The following RAB7A variants were observed in gnomAD, a reference collection of about 807,000 sequenced individuals.
The protein encoded by RAB7A is ras-related protein Rab-7a.
A neutral mutation model predicts 24.5 loss-of-function variants in RAB7A; 2 were observed. That is an observed-to-expected ratio of 0.08 (90% confidence interval 0.03 to 0.26). The LOEUF (loss-of-function observed/expected upper bound fraction) is 0.26, where lower values mean the gene tolerates loss of function less well. Among genes scored for constraint, RAB7A ranks in the 10% least tolerant of loss-of-function variants. RAB7A has a pLI of 1.00. For missense variants in RAB7A, 118 were observed against 255.7 expected (o/e 0.46, Z 3.67); for synonymous variants, 100 against 95.9 (o/e 1.04, Z -0.25).
Position 128,813,518 on chromosome 3 carries a change from C to T in RAB7A, c.*96C>T. The T allele has an allele frequency of 1.7e-6, 2 of 1,187,974 alleles. No individual in the cohort carries two copies. Among genetic ancestry groups the T allele is most frequent in the Non-Finnish European group, 1.2e-6 (1 of 801,548 alleles). The allele number at this position is 1,187,974 out of a possible 1,614,324, so 73.6% of individuals were successfully genotyped here. A position where few individuals can be genotyped will look rare whatever the true frequency, so the allele number is the denominator to read the frequency against. ...CCTCTCCTCTTCCAAACAAAACATA[C>T]ATTGATCTCTCACATCCAGCTGCCA... On this transcript the variant is annotated 3_prime_UTR_variant, in exon 6 of 6. Transcript: ENST00000265062.
intron 1 of RAB7A, among the ~76,000 whole-genome samples, chr3:128,744,476 G>A (rs1315171102): frequency 6.6e-6 from 1 of 152,132 alleles, no homozygotes; most frequent in Non-Finnish European, 1.5e-5. Context: ...GAAATATGAT[G>A]CATTATTATC....
In RAB7A at chr3:128,727,522, G is replaced by A. The variant is rs377589536; in HGVS notation, c.-9+1163G>A. ...CTCCCTTAAAGCCATAAGAAATGCCGTTTGCGACTTATCACACATATTGTG... is the reference window on the plus strand; with the variant it reads ...CTCCCTTAAAGCCATAAGAAATGCCATTTGCGACTTATCACACATATTGTG... On this transcript the variant is annotated intron_variant, in intron 1 of 5. Transcript: ENST00000265062. 2.0e-5 allele frequency among the ~76,000 whole-genome samples: 3 copies of A among 152,154 alleles called. No individual in the cohort carries two copies. The East Asian group carries it at 5.8e-4, about 29-fold the overall frequency.
intron 1 of RAB7A, among the ~76,000 whole-genome samples, chr3:128,733,012 G>A (rs1214976606): frequency 6.6e-6 from 1 of 152,192 alleles, no homozygotes; most frequent in Non-Finnish European, 1.5e-5. Context: ...GGAACCTGAT[G>A]CATCCAGCTC....
intron 3 of RAB7A, among the ~76,000 whole-genome samples, chr3:128,801,991 G>C (rs574721302): frequency 6.6e-6 from 1 of 152,328 alleles, no homozygotes; most frequent in South Asian, 2.1e-4. Flanking sequence ...TTGAGAAAGA[G>C]ATGGGCAGCA....
intron 1 of RAB7A, among the ~76,000 whole-genome samples, chr3:128,787,110 G>T (rs186498115): frequency 6.6e-6 from 1 of 152,300 alleles, no homozygotes; most frequent in Admixed American, 6.5e-5. Context: ...GTACCTTCCT[G>T]AGTTTTCTAC....
intron 1 of RAB7A, among the ~76,000 whole-genome samples, chr3:128,766,346 T>C (rs2070831226): frequency 6.6e-6 from 1 of 152,202 alleles, no homozygotes; most frequent in African/African-American, 2.4e-5. Context: ...ATAACAGTTA[T>C]TCAACAATAA....
chr3:128,806,620 C>T, intron 4 of RAB7A, 30 bp downstream of exon 4: 2 of 1,584,894 alleles, frequency 1.3e-6, no homozygotes, highest in Non-Finnish European at 1.7e-6. Flanking sequence ...GATATTGTCA[C>T]AGACACCTGC....
At chr3:128,749,531 A>AT (rs1046552393) in intron 1 of RAB7A, 2 of 152,228 alleles carry the variant, frequency 1.3e-5, no homozygotes, top group African/African-American at 4.8e-5. Context: ...ACCCTGCTAC[A>AT]TGGTGACTGA....
At chr3:128,742,064 C>G (rs1394236052) in intron 1 of RAB7A, among the ~76,000 whole-genome samples, 1 of 152,122 alleles carries the variant, frequency 6.6e-6, no homozygotes, top group Admixed American at 6.5e-5. Context: ...AGAGTTTCTT[C>G]CTTCTGATGT....
chr3:128,737,767 A>G (rs1460805789), intron 1 of RAB7A, among the ~76,000 whole-genome samples: 8 of 140,776 alleles, frequency 5.7e-5, no homozygotes, highest in Admixed American at 2.9e-4. Flanking sequence ...TCTCATCTCA[A>G]CTTCCCCAGT....
chr3:128,798,176 C>T, intron 3 of RAB7A, 107 bp downstream of exon 3: 1 of 1,438,680 alleles, frequency 7.0e-7, no homozygotes. Context: ...ATCTTATTAT[C>T]TTATTTGTAG....
intron 1 of RAB7A, among the ~76,000 whole-genome samples, chr3:128,756,255 A>G (rs1162749608): frequency 1.3e-5 from 2 of 148,504 alleles, no homozygotes; most frequent in Non-Finnish European, 2.9e-5. Context: ...AGGCAGGAGA[A>G]TCGCTTGGAG....
chr3:128,758,086 G>A (rs573722413), intron 1 of RAB7A, among the ~76,000 whole-genome samples: 4 of 151,952 alleles, frequency 2.6e-5, no homozygotes, highest in Admixed American at 6.6e-5. Flanking sequence ...CCTTGGCTTC[G>A]CAAATCACTG....
chr3:128,740,937 T>C (rs2070547205), intron 1 of RAB7A, among the ~76,000 whole-genome samples: 1 of 151,180 alleles, frequency 6.6e-6, no homozygotes, highest in South Asian at 2.1e-4. Context: ...TTGTGTTTCT[T>C]TGTTTGATAG....
At chr3:128,777,923 AG>A in intron 1 of RAB7A, among the ~76,000 whole-genome samples, 1 of 152,290 alleles carries the variant, frequency 6.6e-6, no homozygotes, top group Admixed American at 6.5e-5. Flanking sequence ...CATGCTGGCC[AG>A]GCTGGTCTTG....
At chr3:128,786,248 G>A (rs1039287321) in intron 1 of RAB7A, among the ~76,000 whole-genome samples, 3 of 152,200 alleles carry the variant, frequency 2.0e-5, no homozygotes, top group African/African-American at 7.2e-5. Context: ...TGGTAGTGAT[G>A]TCTTGCTGTT....
rs200546571 is a variant in RAB7A at position 128,804,114 on chromosome 3, G to GCCCC, written c.181-2252_181-2249dup. ...TTCATGGGGCTAGGGACCTCCCTGGGCCCCCCCCCGCCCCCAGCATGTGCA... is the reference window on the plus strand; with the variant it reads ...TTCATGGGGCTAGGGACCTCCCTGGGCCCCCCCCCCCCCGCCCCCAGCATGTGCA... On this transcript the variant is annotated intron_variant, in intron 3 of 5. Coordinates refer to ENST00000265062, the MANE Select transcript of RAB7A (RefSeq NM_004637.6). 4.7e-4 allele frequency among the ~76,000 whole-genome samples: 69 copies of GCCCC among 146,950 alleles called. 1 individual carries two copies. The highest frequency in any genetic ancestry group is 1.7e-3 in the African/African-American group (65 of 38,852).
intron 5 of RAB7A, among the ~76,000 whole-genome samples, chr3:128,808,536 A>G (rs898852163): frequency 4.6e-5 from 7 of 152,322 alleles, no homozygotes; most frequent in African/African-American, 7.2e-5. Context: ...TAAACAACAC[A>G]AAGAAGGAAG....
intron 1 of RAB7A, chr3:128,764,638 T>G: frequency 1.9e-6 from 2 of 1,046,916 alleles, no homozygotes; most frequent in Non-Finnish European, 3.0e-6. Context: ...CAAATGGGGG[T>G]CATTTTTGTC....
Sources: gnomAD v4.1 joint callset for allele counts (sites outside exome capture counted in the v4.1 genomes callset) on GRCh38, gnomAD v4.1.1 for gene constraint, MANE v1.5 for transcripts, NCBI Gene and HGNC (gene_info 2026-07-23, HGNC 2026-07-21) for gene names.